RASEF: variants seen among roughly 807,000 people sequenced by gnomAD.
The protein encoded by RASEF is ras and EF-hand domain-containing protein.
RASEF carries 68 observed loss-of-function variants against 90.1 expected under a neutral mutation model. The observed-to-expected ratio is 0.75, with a 90% CI of 0.62 to 0.92. RASEF has a LOEUF of 0.92. RASEF is among the 40% of genes least tolerant of loss of function. The pLI, the probability that RASEF is intolerant of heterozygous loss-of-function variation, is 0.00. For synonymous variants in RASEF, 331 were observed against 345.2 expected (o/e 0.96, Z 0.46); for missense variants, 949 against 937.2 (o/e 1.01, Z -0.16).
At chr9:83,185,374 T>C in the RASEF span, among the ~76,000 whole-genome samples, 1 of 151,492 alleles carries the variant, frequency 6.6e-6, no homozygotes, top group Non-Finnish European at 1.5e-5. Flanking sequence ...TTTAATTTTT[T>C]TGTGGAGACC....
chr9:83,089,465 G>T, the RASEF span, among the ~76,000 whole-genome samples: 1 of 152,052 alleles, frequency 6.6e-6, no homozygotes, highest in African/African-American at 2.4e-5. Flanking sequence ...TTGTAGGGAA[G>T]ATCTGCTAGT....
chr9:83,095,417 T>C, the RASEF span, among the ~76,000 whole-genome samples: 1 of 150,402 alleles, frequency 6.6e-6, no homozygotes, highest in Admixed American at 6.7e-5. Flanking sequence ...TTTCAGTCTC[T>C]TCACTTGGGT....
the RASEF span, among the ~76,000 whole-genome samples, chr9:83,134,597 A>G: frequency 7.2e-5 from 11 of 152,152 alleles, no homozygotes; most frequent in Admixed American, 3.3e-4. Context: ...AATTATTAAT[A>G]TATGTCCATT....
chr9:83,017,828 A>G (rs1452368417), intron 3 of RASEF, among the ~76,000 whole-genome samples: 8 of 152,260 alleles, frequency 5.3e-5, no homozygotes, highest in Admixed American at 5.2e-4. Context: ...TCAACAATCT[A>G]TAGAAAGGAT....
intron 6 of RASEF, among the ~76,000 whole-genome samples, chr9:83,008,446 A>G (rs1392310822): frequency 4.0e-5 from 6 of 151,476 alleles, no homozygotes; most frequent in African/African-American, 7.3e-5. Context: ...ATCCTTCCCT[A>G]TGTTCTGGTC....
the RASEF span, among the ~76,000 whole-genome samples, chr9:83,175,001 C>G: frequency 6.6e-6 from 1 of 151,954 alleles, no homozygotes; most frequent in Non-Finnish European, 1.5e-5. Flanking sequence ...TTTATTAGTT[C>G]TACTGGGGTG....
At chr9:83,071,114 C>A in the RASEF span, among the ~76,000 whole-genome samples, 1 of 152,054 alleles carries the variant, frequency 6.6e-6, no homozygotes, top group African/African-American at 2.4e-5. Flanking sequence ...TCTTTTATTT[C>A]TTTTTCTTGC....
chr9:83,193,438 T>G, the RASEF span, among the ~76,000 whole-genome samples: 1 of 152,186 alleles, frequency 6.6e-6, no homozygotes, highest in Non-Finnish European at 1.5e-5. Flanking sequence ...AATGGAATTT[T>G]ATGCAGAAAA....
chr9:83,075,746 T>TA, the RASEF span, among the ~76,000 whole-genome samples: 1 of 151,960 alleles, frequency 6.6e-6, no homozygotes, highest in Non-Finnish European at 1.5e-5. Flanking sequence ...GACATGAAAG[T>TA]AGTTACCAAT....
chr9:83,024,739 T>C (rs760000311), intron 2 of RASEF, among the ~76,000 whole-genome samples: 11 of 152,202 alleles, frequency 7.2e-5, no homozygotes, highest in Non-Finnish European at 1.0e-4. Flanking sequence ...TACCAAGAAT[T>C]TAAAATATTT....
chr9:82,998,355 A>G lies in RASEF; in HGVS notation c.1805+10T>C, dbSNP rs1256545581. 6.3e-7 allele frequency: 1 copy of G among 1,590,400 alleles called. No individual in the cohort carries two copies. The highest frequency in any genetic ancestry group is 1.7e-5 in the Admixed American group (1 of 59,878). On this transcript the variant is annotated intron_variant, in intron 13 of 16. Transcript: ENST00000376447. Reference sequence around the variant, plus strand: ...CCAGGATATCCCATAGCGCTGCGGAATGCACTTGCCTCTCCTGACCAGCTG... The same window carrying G: ...CCAGGATATCCCATAGCGCTGCGGAGTGCACTTGCCTCTCCTGACCAGCTG...
the RASEF span, among the ~76,000 whole-genome samples, chr9:83,124,884 G>GA: frequency 1.1e-3 from 169 of 152,186 alleles, 2 homozygotes; most frequent in African/African-American, 3.5e-3. Flanking sequence ...GGGGTAGTTA[G>GA]AAAAAACCCC....
At chr9:82,995,288 C>T (rs1315033358) in intron 14 of RASEF, among the ~76,000 whole-genome samples, 1 of 152,122 alleles carries the variant, frequency 6.6e-6, no homozygotes, top group Non-Finnish European at 1.5e-5. Context: ...AAGACTAATC[C>T]AAAATGTCAA....
chr9:83,092,335 G>T, the RASEF span, among the ~76,000 whole-genome samples: 1 of 152,010 alleles, frequency 6.6e-6, no homozygotes, highest in Non-Finnish European at 1.5e-5. Flanking sequence ...ACGGACCCTC[G>T]CGGTGAGTGT....
the RASEF span, among the ~76,000 whole-genome samples, chr9:83,186,715 G>A: frequency 4.0e-5 from 6 of 151,732 alleles, no homozygotes; most frequent in East Asian, 1.9e-4. Flanking sequence ...GTGGCCAGTG[G>A]GATATAGAAA....
chr9:83,026,266 T>C (rs1546315), intron 1 of RASEF, among the ~76,000 whole-genome samples: 84,486 of 152,062 alleles, frequency 0.56, 23,873 homozygotes, highest in East Asian at 0.78. Context: ...CCATGTTTCA[T>C]CCACCCCTGA....
intron 9 of RASEF, among the ~76,000 whole-genome samples, chr9:83,001,862 G>T (rs1464391846): frequency 1.3e-5 from 2 of 152,188 alleles, no homozygotes; most frequent in Admixed American, 1.3e-4. Flanking sequence ...GCCACTAAAT[G>T]TTGACACACC....
At chr9:83,044,549 G>A (rs1448117934) in intron 1 of RASEF, among the ~76,000 whole-genome samples, 1 of 152,066 alleles carries the variant, frequency 6.6e-6, no homozygotes, top group Non-Finnish European at 1.5e-5. Flanking sequence ...ATAGAAATTT[G>A]GTACTTTGTT....
the RASEF span, among the ~76,000 whole-genome samples, chr9:83,130,663 G>A: frequency 3.9e-5 from 6 of 152,196 alleles, no homozygotes; most frequent in South Asian, 2.1e-4. Flanking sequence ...TACCTGCTGC[G>A]TGTTAAGCAC....
Sources: allele counts gnomAD v4.1 joint callset (sites outside exome capture counted in the v4.1 genomes callset), GRCh38; gene constraint gnomAD v4.1.1; transcripts MANE v1.5; gene names NCBI Gene and HGNC (gene_info 2026-07-23, HGNC 2026-07-21).